The following APBB2 variants were observed in gnomAD, a reference collection of about 807,000 sequenced individuals.
The protein encoded by APBB2 is Fe65-like 1.
Under a neutral mutation model 82.5 loss-of-function variants are expected in APBB2, and 38 were observed. The ratio of observed to expected loss-of-function variants is 0.46; its 90% confidence interval spans 0.36 to 0.60. APBB2 has a LOEUF of 0.60. Ranked by LOEUF, APBB2 falls within the 20% of genes least tolerant of loss-of-function variation. The pLI, the probability that APBB2 is intolerant of heterozygous loss-of-function variation, is 0.00. For missense variants in APBB2, 772 were observed against 972.3 expected (o/e 0.79, Z 2.74); for synonymous variants, 341 against 368.2 (o/e 0.93, Z 0.85).
chr4:41,019,829 A>G (rs1295404576), intron 5 of APBB2, among the ~76,000 whole-genome samples: 1 of 152,186 alleles, frequency 6.6e-6, no homozygotes, highest in Non-Finnish European at 1.5e-5. Flanking sequence ...GGAGAACAGC[A>G]GCATAAGCAG....
chr4:41,116,901 G>A lies in APBB2; in HGVS notation c.-260-16151C>T, dbSNP rs1751166895. Among the ~76,000 whole-genome samples the A allele has an allele frequency of 2.0e-5, 3 of 152,024 alleles. No individual in the cohort carries two copies. The South Asian group carries it at 6.2e-4, about 32-fold the overall frequency. On this transcript the variant is annotated intron_variant, in intron 2 of 17. Coordinates refer to ENST00000508593, the MANE Select transcript of APBB2 (RefSeq NM_004307.2). ...TTAAATTATAGTCCACTTACATTGGGTGATTTTCTTTCCTCCAAAAGACAT... is the reference window on the plus strand; with the variant it reads ...TTAAATTATAGTCCACTTACATTGGATGATTTTCTTTCCTCCAAAAGACAT...
At chr4:41,020,536 T>C (rs1379753270) in intron 5 of APBB2, among the ~76,000 whole-genome samples, 1 of 152,220 alleles carries the variant, frequency 6.6e-6, no homozygotes. Context: ...GAACCATCTA[T>C]ACCAATTCTA....
intron 1 of APBB2, among the ~76,000 whole-genome samples, chr4:41,151,813 G>A (rs938300373): frequency 6.6e-6 from 1 of 150,858 alleles, no homozygotes; most frequent in Non-Finnish European, 1.5e-5. Context: ...TTTATGTCTA[G>A]TATGAATTTT....
chr4:40,984,719 C>T (rs1799954521), intron 6 of APBB2, among the ~76,000 whole-genome samples: 1 of 152,152 alleles, frequency 6.6e-6, no homozygotes, highest in Non-Finnish European at 1.5e-5. Context: ...GAATTCAGTG[C>T]ATTGCTTATT....
chr4:40,853,364 A>T (rs1760098410), intron 12 of APBB2, among the ~76,000 whole-genome samples: 3 of 130,504 alleles, frequency 2.3e-5, no homozygotes, highest in Admixed American at 1.5e-4. Context: ...GCCCTAAAGG[A>T]TCCTGTCCCC....
chr4:41,170,497 C>T (rs562809537), intron 1 of APBB2, among the ~76,000 whole-genome samples: 1 of 152,256 alleles, frequency 6.6e-6, no homozygotes, highest in South Asian at 2.1e-4. Context: ...AACAAAAATG[C>T]TTATTCAGTC....
chr4:41,068,857 G>A (rs1035122858), intron 3 of APBB2, among the ~76,000 whole-genome samples: 1 of 137,164 alleles, frequency 7.3e-6, no homozygotes, highest in South Asian at 2.2e-4. Flanking sequence ...GTGCAGTGGC[G>A]TGATCTCAGC....
rs1162203157 is a variant in APBB2 at position 41,127,342 on chromosome 4, GA to G, written c.-261+15644del. 1.3e-5 allele frequency among the ~76,000 whole-genome samples: 2 copies of G among 150,936 alleles called. No individual in the cohort carries two copies. Among genetic ancestry groups the G allele is most frequent in the South Asian group, 2.1e-4 (1 of 4,766 alleles). ...TTGTACTGCGACAATACAACACAAG[GA>G]AAAAAAAATCAAAGCATTCACTTGA... is the stretch of plus-strand genomic sequence containing the variant. On this transcript the variant is annotated intron_variant, in intron 2 of 17. Coordinates refer to ENST00000508593, the MANE Select transcript of APBB2 (RefSeq NM_004307.2). The surrounding 1 kb of genome is among the most constrained non-coding windows in gnomAD (Gnocchi z 4.8).
At position 40,827,337 on chromosome 4, in the gene APBB2, T is replaced by C. The variant is rs1280506389; in HGVS notation, c.1645-118A>G. 7 of 762,426 alleles carry C rather than the reference T, an allele frequency of 9.2e-6. No homozygotes were observed. The Middle Eastern group carries it at 1.0e-3, about 114-fold the overall frequency. The allele number at this position is 762,426 out of a possible 1,614,324, so 47.2% of individuals were successfully genotyped here. On this transcript the variant is annotated intron_variant, in intron 13 of 17. Coordinates refer to ENST00000508593, the MANE Select transcript of APBB2 (RefSeq NM_004307.2). ...TCCAAGTTAGATCAGCTTTAGTCTATTGCCTGAAGTCCCACCCCTGCATCT... is the reference window on the plus strand; with the variant it reads ...TCCAAGTTAGATCAGCTTTAGTCTACTGCCTGAAGTCCCACCCCTGCATCT...
intron 1 of APBB2, among the ~76,000 whole-genome samples, 164 bp from the exon 2 acceptor site, chr4:41,143,306 G>A (rs1283592228): frequency 6.6e-6 from 1 of 152,216 alleles, no homozygotes; most frequent in African/African-American, 2.4e-5. Context: ...ACAAGTGTGG[G>A]CTATTCTGAG....
intron 10 of APBB2, among the ~76,000 whole-genome samples, chr4:40,894,212 C>T (rs552712861): frequency 5.9e-5 from 9 of 151,666 alleles, no homozygotes; most frequent in Admixed American, 3.3e-4. Context: ...GGCGTGAACC[C>T]GGAAGGCAGA....
chr4:41,106,979 C>T (rs1223724409), intron 2 of APBB2, among the ~76,000 whole-genome samples: 2 of 151,910 alleles, frequency 1.3e-5, no homozygotes, highest in East Asian at 1.9e-4. Context: ...TTTAAAAGGG[C>T]TCCTCATAGC....
chr4:41,066,087 G>A (rs1419982854), intron 3 of APBB2, among the ~76,000 whole-genome samples: 1 of 108,938 alleles, frequency 9.2e-6, no homozygotes, highest in African/African-American at 3.2e-5. Context: ...AGCTTGAAAT[G>A]AGGAAATTTT....
chr4:40,912,160 G>A (rs1459887921), intron 10 of APBB2, among the ~76,000 whole-genome samples: 1 of 152,178 alleles, frequency 6.6e-6, no homozygotes, highest in Non-Finnish European at 1.5e-5. Flanking sequence ...GGGAACCTGT[G>A]GAAAGACATC....
intron 3 of APBB2, among the ~76,000 whole-genome samples, chr4:41,098,335 C>T (rs1208906807): frequency 6.6e-6 from 1 of 152,050 alleles, no homozygotes; most frequent in African/African-American, 2.4e-5. Context: ...CAGGCACTTA[C>T]CACTAAGCCC....
At chr4:40,903,849 T>G (rs1253696994) in intron 10 of APBB2, among the ~76,000 whole-genome samples, 1 of 152,200 alleles carries the variant, frequency 6.6e-6, no homozygotes, top group Non-Finnish European at 1.5e-5. Context: ...CTATCTATGT[T>G]CTGGGGGTCA....
chr4:41,098,476 G>A (rs1015406346), intron 3 of APBB2, among the ~76,000 whole-genome samples: 11 of 152,116 alleles, frequency 7.2e-5, no homozygotes, highest in Non-Finnish European at 1.2e-4. Flanking sequence ...GAGCCACGGC[G>A]TCTGGCCTTA....
At chr4:41,209,714 C>T (rs561053620) in intron 1 of APBB2, among the ~76,000 whole-genome samples, 1 of 152,188 alleles carries the variant, frequency 6.6e-6, no homozygotes, top group South Asian at 2.1e-4. Context: ...ATACACTTTA[C>T]CCAAATCTAA....
chr4:40,911,172 T>C (rs1306198802), intron 10 of APBB2, among the ~76,000 whole-genome samples: 4 of 152,238 alleles, frequency 2.6e-5, no homozygotes, highest in African/African-American at 9.6e-5. Context: ...CAAATGCAGA[T>C]TGAAAATAGA....
Sources: allele counts gnomAD v4.1 joint callset (sites outside exome capture counted in the v4.1 genomes callset), GRCh38; gene constraint gnomAD v4.1.1; non-coding constraint Gnocchi (gnomAD v3.1); transcripts MANE v1.5; gene names NCBI Gene and HGNC (gene_info 2026-07-23, HGNC 2026-07-21).